SPATA31H1: variants seen among roughly 807,000 people sequenced by gnomAD.
SPATA31H1 encodes spermatogenesis-associated protein 31H1.
the SPATA31H1 span, among the ~76,000 whole-genome samples, chr2:27,539,323 C>T: frequency 4.1e-5 from 6 of 146,156 alleles, no homozygotes; most frequent in African/African-American, 1.3e-4. Context: ...TGACTCTTAA[C>T]GAGCATGCTG....
the SPATA31H1 span, chr2:27,570,579 C>G: frequency 2.5e-6 from 1 of 398,874 alleles, no homozygotes; most frequent in Non-Finnish European, 4.4e-6. Context: ...AGAGCTGCAG[C>G]TACAAGATGT....
At chr2:27,582,530 C>G in the SPATA31H1 span, 1 of 1,588,642 alleles carries the variant, frequency 6.3e-7, no homozygotes, top group Non-Finnish European at 8.6e-7. Flanking sequence ...CTCGATGAGG[C>G]GAGGTCCGCC....
At chr2:27,553,003 G>C in the SPATA31H1 span, among the ~76,000 whole-genome samples, 1 of 151,984 alleles carries the variant, frequency 6.6e-6, no homozygotes, top group Admixed American at 6.5e-5. Flanking sequence ...TAGAACTTCT[G>C]TACAATTTTA....
At chr2:27,551,110 G>C in the SPATA31H1 span, among the ~76,000 whole-genome samples, 2 of 151,646 alleles carry the variant, frequency 1.3e-5, no homozygotes, top group Non-Finnish European at 2.9e-5. Flanking sequence ...GGCTGGTCTC[G>C]AACTCCTGAC....
chr2:27,582,680 G>T, the SPATA31H1 span: 6 of 713,608 alleles, frequency 8.4e-6, no homozygotes, highest in African/African-American at 1.1e-4. Flanking sequence ...GGGTGAGAAT[G>T]GGTCTGTAAT....
At chr2:27,569,920 C>T in the SPATA31H1 span, 9 of 398,838 alleles carry the variant, frequency 2.3e-5, no homozygotes, top group East Asian at 2.8e-4. Flanking sequence ...GAATTAATCT[C>T]ACAACCCCCA....
chr2:27,557,818 ACCCCCCCCACC>A, the SPATA31H1 span, among the ~76,000 whole-genome samples: 1 of 20,420 alleles, frequency 4.9e-5, no homozygotes, highest in Non-Finnish European at 9.5e-5. Flanking sequence ...CGGGGGGCTG[ACCCCCCCCACC>A]TCCCTCCCGG....
At chr2:27,549,325 ATTTTC>A in the SPATA31H1 span, among the ~76,000 whole-genome samples, 8 of 150,620 alleles carry the variant, frequency 5.3e-5, no homozygotes, top group Non-Finnish European at 8.9e-5. Flanking sequence ...TTTAAATGTC[ATTTTC>A]TTTTATTTAT....
the SPATA31H1 span, chr2:27,575,836 C>T: frequency 2.5e-6 from 1 of 398,310 alleles, no homozygotes. This position sits in a 1 kb window ranked among gnomAD's most constrained non-coding sequence, Gnocchi z 4.1. Flanking sequence ...TGTGTAAATT[C>T]TATTGGGTGC....
chr2:27,577,343 G>T, the SPATA31H1 span: 1 of 1,614,072 alleles, frequency 6.2e-7, no homozygotes, highest in Admixed American at 1.7e-5. This position sits in a 1 kb window ranked among gnomAD's most constrained non-coding sequence, Gnocchi z 4.5. Flanking sequence ...AGCCACTGCA[G>T]CAAACTGTGG....
At chr2:27,554,185 C>T in the SPATA31H1 span, among the ~76,000 whole-genome samples, 4 of 152,004 alleles carry the variant, frequency 2.6e-5, no homozygotes, top group African/African-American at 7.3e-5. Flanking sequence ...GCTTTCTCTA[C>T]AATTCTCCTC....
At chr2:27,555,539 TG>T in the SPATA31H1 span, among the ~76,000 whole-genome samples, 1 of 151,508 alleles carries the variant, frequency 6.6e-6, no homozygotes, top group African/African-American at 2.4e-5. Context: ...CTGGGTGTGG[TG>T]GTGTGCACCT....
the SPATA31H1 span, chr2:27,573,819 G>A: frequency 2.5e-6 from 1 of 398,324 alleles, no homozygotes; most frequent in Admixed American, 4.4e-5. Flanking sequence ...ATTAAGCCAA[G>A]AGCTACCATT....
chr2:27,538,699 C>T, the SPATA31H1 span, among the ~76,000 whole-genome samples: 2 of 151,918 alleles, frequency 1.3e-5, no homozygotes, highest in Non-Finnish European at 2.9e-5. Flanking sequence ...GGCGTGGTGG[C>T]GTGCACCTGT....
At chr2:27,578,529 C>T in the SPATA31H1 span, 1 of 1,614,054 alleles carries the variant, frequency 6.2e-7, no homozygotes, top group Non-Finnish European at 8.5e-7. Flanking sequence ...AACTCCAAGT[C>T]CATGTACTCA....
At chr2:27,561,636 C>G in the SPATA31H1 span, among the ~76,000 whole-genome samples, 2 of 152,112 alleles carry the variant, frequency 1.3e-5, no homozygotes, top group Non-Finnish European at 2.9e-5. Flanking sequence ...TACTTGGAGT[C>G]CACCTCTATA....
chr2:27,565,212 CTGTATCAATATCTGATACATGAGA>C, the SPATA31H1 span: 5 of 624,678 alleles, frequency 8.0e-6, no homozygotes, highest in Middle Eastern at 3.6e-4. Flanking sequence ...TGGATGCCAA[CTGTATCAATATCTGATACATGAGA>C]TGTATCAATA....
the SPATA31H1 span, chr2:27,579,393 A>ACTG: frequency 1.2e-6 from 2 of 1,614,240 alleles, no homozygotes; most frequent in Non-Finnish European, 1.7e-6. Context: ...ACCTTCCCAG[A>ACTG]GCCTGCCAGA....
the SPATA31H1 span, among the ~76,000 whole-genome samples, chr2:27,546,230 C>G: frequency 6.6e-6 from 1 of 151,960 alleles, no homozygotes; most frequent in Non-Finnish European, 1.5e-5. Flanking sequence ...GATTAGTGTT[C>G]CCCTCCCTAC....
Sources: allele counts gnomAD v4.1 joint callset (sites outside exome capture counted in the v4.1 genomes callset), GRCh38; gene constraint gnomAD v4.1.1; non-coding constraint Gnocchi (gnomAD v3.1); transcripts MANE v1.5; gene names NCBI Gene and HGNC (gene_info 2026-07-23, HGNC 2026-07-21).